RANBP3L: variants seen among roughly 807,000 people sequenced by gnomAD.
RANBP3L encodes ran-binding protein 3-like.
In RANBP3L, 56 loss-of-function variants were observed where a neutral mutation model predicts 67.2. The ratio of observed to expected loss-of-function variants is 0.83; its 90% confidence interval spans 0.67 to 1.04. The LOEUF is 1.04. RANBP3L is among the 50% of genes least tolerant of loss of function. The pLI is 0.00. For missense variants in RANBP3L, 496 were observed against 535.5 expected, an observed-to-expected ratio of 0.93 and a Z score of 0.73; for synonymous variants, 164 against 181.4, an observed-to-expected ratio of 0.90 and a Z score of 0.77.
intron 11 of RANBP3L, 115 bp from the exon 12 acceptor site, chr5:36,253,904 A>T: frequency 1.0e-6 from 1 of 973,522 alleles, no homozygotes; most frequent in South Asian, 2.1e-5. Flanking sequence ...ATTCAATACT[A>T]ACTTGTGATT....
intron 1 of RANBP3L, among the ~76,000 whole-genome samples, chr5:36,287,827 C>T (rs906964427): frequency 1.3e-5 from 2 of 152,168 alleles, no homozygotes; most frequent in African/African-American, 4.8e-5. Context: ...TTAAAGCTGA[C>T]TAAAGTTATA....
At chr5:36,291,294 G>T (rs925515124) in intron 1 of RANBP3L, among the ~76,000 whole-genome samples, 1 of 151,634 alleles carries the variant, frequency 6.6e-6, no homozygotes, top group African/African-American at 2.4e-5. Context: ...GAATCAGACA[G>T]TATTTATCTT....
chr5:36,266,025 C>T (rs1024783216), intron 4 of RANBP3L, among the ~76,000 whole-genome samples: 3 of 146,822 alleles, frequency 2.0e-5, no homozygotes, highest in Non-Finnish European at 4.5e-5. Context: ...CGTCCTGCTA[C>T]ATAGTTCTGT....
chr5:36,273,003 CA>C (rs1478260100), intron 1 of RANBP3L, among the ~76,000 whole-genome samples: 1 of 152,118 alleles, frequency 6.6e-6, no homozygotes, highest in East Asian at 1.9e-4. Context: ...AAGTGATCCC[CA>C]GCAGAAAATC....
Position 36,251,502 on chromosome 5 carries a change from G to A in RANBP3L, c.1168-3C>T. On this transcript the variant is annotated splice_polypyrimidine_tract_variant and splice_region_variant and intron_variant, in intron 12 of 13. Transcript: ENST00000296604. ...TATGCTGTATCTTGGGCACTGGCCT[G>A]CATGAGGAACATTAAATTGTTAAGA... The A allele has an allele frequency of 6.3e-7, 1 of 1,575,788 alleles. No individual in the cohort carries two copies. The highest frequency in any genetic ancestry group is 8.6e-7 in the Non-Finnish European group (1 of 1,158,406).
At chr5:36,251,277 T>G in intron 13 of RANBP3L, 36 bp downstream of exon 13, 1 of 1,560,434 alleles carries the variant, frequency 6.4e-7, no homozygotes, top group Non-Finnish European at 8.7e-7. Flanking sequence ...GAATTCTTTT[T>G]TAAACCTCTG....
chr5:36,275,125 G>T (rs947459208), intron 1 of RANBP3L, among the ~76,000 whole-genome samples: 3 of 152,098 alleles, frequency 2.0e-5, no homozygotes, highest in Admixed American at 2.0e-4. Flanking sequence ...TTGAGTACTT[G>T]TTACAAGAAA....
At chr5:36,268,403 A>G in intron 4 of RANBP3L, 2 of 538,920 alleles carry the variant, frequency 3.7e-6, no homozygotes, top group East Asian at 3.2e-5. Flanking sequence ...AATAAAAATG[A>G]GTACATCTGA....
Position 36,264,979 on chromosome 5 carries a change from T to C in RANBP3L, c.460A>G (p.Lys154Glu), listed in dbSNP as rs1377683123. 4 of 1,613,140 alleles carry C rather than the reference T, an allele frequency of 2.5e-6. No individual in the cohort carries two copies. The Middle Eastern group carries it at 5.0e-4, about 200-fold the overall frequency. Residue 154 changes from lysine to glutamate, a missense_variant, in exon 6 of 14, where the codon AAA (lysine) becomes GAA (glutamate). By Grantham distance (56) the Lys-to-Glu change is moderately conservative (BLOSUM62 1). Coordinates refer to ENST00000296604, the MANE Select transcript of RANBP3L (RefSeq NM_145000.5). ...CTCACCTTATTATTTGTTTTTTCTT[T>C]AGTCTTGCAAGATTCCAGTGCCTTG... is the stretch of plus-strand genomic sequence containing the variant. ...GHKALESCKT[K>E]EKTNNKISEG...
chr5:36,256,879 C>T (rs761024834), intron 10 of RANBP3L, 62 bp downstream of exon 10: 67 of 1,462,030 alleles, frequency 4.6e-5, no homozygotes, highest in Non-Finnish European at 5.8e-5. Flanking sequence ...TGCCTCTTCT[C>T]ATGTTAACTT....
At position 36,290,953 on chromosome 5, in the gene RANBP3L, C is replaced by A. The variant is rs190557901; in HGVS notation, c.91+10373G>T. Among the ~76,000 whole-genome samples the A allele has an allele frequency of 5.6e-3, 808 of 144,498 alleles. 3 individuals are homozygous for A. Among genetic ancestry groups the A allele is most frequent in the Middle Eastern group, 0.026 (7 of 266 alleles). 94.8% of individuals were successfully genotyped at this position (144,498 alleles called of 152,430 possible). ...TAGAGACAGGGTTTCACCATGTTGG[C>A]CAGGATGGTCTCGATCTCCTGACCT... On this transcript the variant is annotated intron_variant, in intron 1 of 13. Coordinates refer to ENST00000296604, the MANE Select transcript of RANBP3L (RefSeq NM_145000.5).
At chr5:36,268,714 T>A (rs969024497) in intron 4 of RANBP3L, among the ~76,000 whole-genome samples, 4 of 143,090 alleles carry the variant, frequency 2.8e-5, no homozygotes, top group African/African-American at 1.0e-4. Context: ...AGGCGGTTAC[T>A]TTTTTTTTTT....
intron 1 of RANBP3L, among the ~76,000 whole-genome samples, chr5:36,281,975 G>T (rs1751003684): frequency 6.6e-6 from 1 of 152,142 alleles, no homozygotes; most frequent in Non-Finnish European, 1.5e-5. Context: ...GCAAATGTGG[G>T]ACTTCTGGAT....
In RANBP3L at chr5:36,269,986, G is replaced by C; in HGVS notation, c.155C>G (p.Pro52Arg). 6.2e-7 allele frequency: 1 copy of C among 1,613,384 alleles called. No homozygotes were observed. Among genetic ancestry groups the C allele is most frequent in the South Asian group, 1.1e-5 (1 of 91,076 alleles). ...FEKGEQTFKR[P>R]AEDTLYEAAE... ...TGCTTCATACAGGGTGTCTTCTGCAGGTCTCTGAAAGGAAACAAAACCACT... is the reference window on the plus strand; with the variant it reads ...TGCTTCATACAGGGTGTCTTCTGCACGTCTCTGAAAGGAAACAAAACCACT... The change falls in exon 3 of 14, where the codon CCT becomes CGT. Residue 52 changes from proline to arginine, a missense_variant. Coordinates refer to ENST00000296604, the MANE Select transcript of RANBP3L (RefSeq NM_145000.5).
In RANBP3L at chr5:36,255,471, T is replaced by G. The variant is rs1473301089; in HGVS notation, c.1023A>C (p.Leu341=). 3 of 1,607,430 alleles carry G rather than the reference T, an allele frequency of 1.9e-6. No individual in the cohort carries two copies. The highest frequency in any genetic ancestry group is 1.3e-5 in the African/African-American group (1 of 74,652). ...STDCGTLQSR[L]IMRNQGSLRL... is the part of the protein sequence containing the mutation. ...TTGCTTTACAAAAGGATTCCTTACT[T>G]AGTCTTGACTGTAATGTTCCACAGT... The change falls in exon 11 of 14, where the codon CTA becomes CTC. Residue 341 remains leucine, a splice_region_variant and synonymous_variant. Coordinates refer to ENST00000296604, the MANE Select transcript of RANBP3L (RefSeq NM_145000.5).
At chr5:36,256,764 C>G in intron 10 of RANBP3L, 177 bp downstream of exon 10, 1 of 593,888 alleles carries the variant, frequency 1.7e-6, no homozygotes, top group East Asian at 2.9e-5. Flanking sequence ...CATACAAACA[C>G]AAGAAGAAAA....
chr5:36,283,374 C>T (rs1282695470), intron 1 of RANBP3L, among the ~76,000 whole-genome samples: 1 of 146,154 alleles, frequency 6.8e-6, no homozygotes, highest in Non-Finnish European at 1.5e-5. Context: ...TTTAACCTTA[C>T]TCAGTTTTCA....
intron 1 of RANBP3L, among the ~76,000 whole-genome samples, chr5:36,274,299 T>C (rs1458602817): frequency 6.6e-6 from 1 of 152,088 alleles, no homozygotes; most frequent in East Asian, 1.9e-4. Flanking sequence ...AATTACGCAA[T>C]TATTGAAGTT....
chr5:36,278,791 A>C (rs1241711626), intron 1 of RANBP3L, among the ~76,000 whole-genome samples: 2 of 152,192 alleles, frequency 1.3e-5, no homozygotes, highest in Admixed American at 1.3e-4. Flanking sequence ...AGTCATTCGG[A>C]TATTCTGCTT....
Sources: allele counts gnomAD v4.1 joint callset (sites outside exome capture counted in the v4.1 genomes callset), GRCh38; gene constraint gnomAD v4.1.1; transcripts MANE v1.5; gene names NCBI Gene and HGNC (gene_info 2026-07-23, HGNC 2026-07-21).